NUDT12: variants seen among roughly 807,000 people sequenced by gnomAD.
NUDT12 encodes nudix hydrolase 12.
Under a neutral mutation model 45.7 loss-of-function variants are expected in NUDT12, and 42 were observed. The ratio of observed to expected loss-of-function variants is 0.92; its 90% CI spans 0.72 to 1.19. NUDT12 has a LOEUF of 1.19. Ranked by LOEUF, NUDT12 falls within the 50% of genes most tolerant of loss-of-function variation. The probability of loss-of-function intolerance (pLI) is 0.00; values close to 1 mark genes in which losing one functional copy is unlikely to be tolerated. For missense variants in NUDT12, 590 were observed against 533.1 expected (o/e 1.11, Z -1.05); for synonymous variants, 206 against 179.7 (o/e 1.15, Z -1.17).
In NUDT12 at chr5:103,559,045, A is replaced by G; in HGVS notation, c.630T>C (p.Leu210=). The part of the protein sequence containing the change: ...GVELEIKDKL[L]NYAGEVPREE... Reference sequence around the variant, plus strand: ...CTCTCGGGACTTCACCAGCATAATTAAGTAGTTTGTCTTTTATTTCAAGTT... The same window carrying G: ...CTCTCGGGACTTCACCAGCATAATTGAGTAGTTTGTCTTTTATTTCAAGTT... Residue 210 remains leucine, a synonymous_variant, in exon 3 of 7, where the codon CTT becomes CTC. Coordinates refer to ENST00000230792, the MANE Select transcript of NUDT12 (RefSeq NM_031438.4). 6.2e-7 allele frequency: 1 copy of G among 1,613,712 alleles called. No homozygotes were observed. The highest frequency in any genetic ancestry group is 1.1e-5 in the South Asian group (1 of 91,020).
chr5:103,552,173 T>C, intron 6 of NUDT12, 44 bp downstream of exon 6: 1 of 1,517,560 alleles, frequency 6.6e-7, no homozygotes. Flanking sequence ...ACCAATACAG[T>C]CAGGGAACAA....
At chr5:103,556,675 C>T (rs1748831697) in intron 3 of NUDT12, among the ~76,000 whole-genome samples, 1 of 151,934 alleles carries the variant, frequency 6.6e-6, no homozygotes, top group Non-Finnish European at 1.5e-5. Context: ...CAAAAAATGC[C>T]TAATAGGATA....
intron 5 of NUDT12, chr5:103,554,435 T>C: frequency 6.0e-6 from 1 of 166,840 alleles, no homozygotes; most frequent in Non-Finnish European, 1.3e-5. Context: ...AAGGTAACAG[T>C]TGAGTCTAGT....
At chr5:103,559,965 A>G (rs1000844536) in intron 2 of NUDT12, 78 bp downstream of exon 2, 7 of 1,026,936 alleles carry the variant, frequency 6.8e-6, no homozygotes, top group Non-Finnish European at 1.0e-5. Context: ...TATGGAAACA[A>G]GCAAAATTTT....
At chr5:103,558,856 G>T in intron 3 of NUDT12, 23 bp downstream of exon 3, 1 of 1,489,754 alleles carries the variant, frequency 6.7e-7, no homozygotes, top group South Asian at 1.3e-5. Context: ...TTTTACCAAT[G>T]AAAAGCAGCA....
rs1334999444 is a variant in NUDT12, at chr5:103,549,228, A to G, written c.*1633T>C. ...CTCTATTTCATAATAATCAAGGTAC[A>G]TTATTTTCCATATACTTATGTAGCT... On this transcript the variant is annotated 3_prime_UTR_variant, in exon 7 of 7. Transcript: ENST00000230792. 1 of 152,068 alleles carries G rather than the reference A, an allele frequency of 6.6e-6. No homozygotes were observed. Among genetic ancestry groups the G allele is most frequent in the Non-Finnish European group, 1.5e-5 (1 of 67,932 alleles). 9.4% of individuals were successfully genotyped at this position (152,068 alleles called of 1,614,324 possible).
At position 103,557,280 on chromosome 5, in the gene NUDT12, GATATAT is replaced by G. The variant is rs10593905; in HGVS notation, c.797-1188_797-1183del. Among the ~76,000 whole-genome samples the G allele has an allele frequency of 9.9e-4, 118 of 118,922 alleles. 5 individuals carry two copies. The highest frequency in any genetic ancestry group is 7.6e-3 in the East Asian group (29 of 3,804). The allele number at this position is 118,922 out of a possible 152,430, so 78.0% of individuals were successfully genotyped here. A position where few individuals can be genotyped will look rare whatever the true frequency, so the allele number is the denominator to read the frequency against. ...TATCAGATCTTTTTGATCTTAAAAT[GATATAT>G]ATATATATATATATATATGTCTAAA... On this transcript the variant is annotated intron_variant, in intron 3 of 6. Coordinates refer to ENST00000230792, the MANE Select transcript of NUDT12 (RefSeq NM_031438.4).
At chr5:103,559,500 A>G in intron 2 of NUDT12, 32 bp from the exon 3 acceptor site, 1 of 1,180,624 alleles carries the variant, frequency 8.5e-7, no homozygotes, top group Non-Finnish European at 1.1e-6. Context: ...GGGGAGAAAA[A>G]GTAAAATAGG....
intron 1 of NUDT12, 132 bp from the exon 2 acceptor site, chr5:103,560,386 A>G: frequency 1.6e-6 from 1 of 627,452 alleles, no homozygotes; most frequent in South Asian, 1.9e-5. Flanking sequence ...GGCAATCCTT[A>G]AACAGCATAC....
Position 103,549,255 on chromosome 5 carries a change from G to C in NUDT12, c.*1606C>G, listed in dbSNP as rs963206253. On this transcript the variant is annotated 3_prime_UTR_variant, in exon 7 of 7. Transcript: ENST00000230792. ...TATTTTCCATATACTTATGTAGCTC[G>C]AATTTTATTATGTATCTAAATGTCC... 1 of 151,866 alleles carries C rather than the reference G, an allele frequency of 6.6e-6. No individual in the cohort carries two copies. Among genetic ancestry groups the C allele is most frequent in the Non-Finnish European group, 1.5e-5 (1 of 67,884 alleles). 9.4% of individuals were successfully genotyped at this position (151,866 alleles called of 1,614,324 possible).
intron 3 of NUDT12, among the ~76,000 whole-genome samples, chr5:103,556,944 C>T (rs550644580): frequency 1.5e-4 from 23 of 151,914 alleles, no homozygotes; most frequent in African/African-American, 4.3e-4. Context: ...GACAACATTA[C>T]GTTTTTGCCT....
rs1170720255 is a variant in NUDT12 at position 103,550,078 on chromosome 5, C to T, written c.*783G>A. The T allele has an allele frequency of 6.6e-6, 1 of 152,076 alleles. No individual in the cohort carries two copies. The highest frequency in any genetic ancestry group is 1.5e-5 in the Non-Finnish European group (1 of 68,014). 9.4% of individuals were successfully genotyped at this position (152,076 alleles called of 1,614,324 possible). A position where few individuals can be genotyped will look rare whatever the true frequency, so the allele number is the denominator to read the frequency against. The stretch of plus-strand genomic sequence containing the variant: ...GGAGAATTCCTTTCAAGTTTAATTT[C>T]AGTGCAAAAGCAGAGAATCTTGGTT... On this transcript the variant is annotated 3_prime_UTR_variant, in exon 7 of 7. Coordinates refer to ENST00000230792, the MANE Select transcript of NUDT12 (RefSeq NM_031438.4).
intron 1 of NUDT12, among the ~76,000 whole-genome samples, chr5:103,561,132 A>AT (rs958049121): frequency 3.4e-4 from 51 of 149,556 alleles, no homozygotes; most frequent in South Asian, 2.1e-3. Context: ...TTCTCAAAGT[A>AT]TTTTTTTTTA....
intron 3 of NUDT12, 21 bp from the exon 4 acceptor site, chr5:103,556,119 C>T (rs757913404): frequency 4.0e-6 from 6 of 1,516,690 alleles, no homozygotes; most frequent in South Asian, 1.4e-5. Context: ...AAGAAAAGCA[C>T]AAAAATTTTA....
rs1748678396 is a variant in NUDT12 at position 103,552,295 on chromosome 5, G to C, written c.1200C>G (p.Cys400Trp). 1 of 1,613,788 alleles carries C rather than the reference G, an allele frequency of 6.2e-7. No individual in the cohort carries two copies. Among genetic ancestry groups the C allele is most frequent in the South Asian group, 1.1e-5 (1 of 91,090 alleles). Reference protein sequence around the residue: ...WPMPSSLMIGCLALAVSTEIK... With the variant: ...WPMPSSLMIGWLALAVSTEIK... ...TTTCTGTAGACACTGCTAGAGCTAA[G>C]CAACCAATCATTAAGGAGGAAGGCA... is the stretch of plus-strand genomic sequence containing the variant. The change falls in exon 6 of 7, where the codon TGC becomes TGG. Residue 400 changes from cysteine to tryptophan, a missense_variant. Coordinates refer to ENST00000230792, the MANE Select transcript of NUDT12 (RefSeq NM_031438.4).
At chr5:103,557,420 C>T (rs1328068006) in intron 3 of NUDT12, among the ~76,000 whole-genome samples, 1 of 151,172 alleles carries the variant, frequency 6.6e-6, no homozygotes, top group East Asian at 1.9e-4. Context: ...TCTGGAAGGA[C>T]CTCTATCACC....
chr5:103,552,633 T>G (rs1748693800), intron 5 of NUDT12, among the ~76,000 whole-genome samples: 2 of 152,170 alleles, frequency 1.3e-5, no homozygotes, highest in Non-Finnish European at 2.9e-5. Flanking sequence ...AAACTTTTCG[T>G]TTTTTTAAGG....
intron 3 of NUDT12, 105 bp from the exon 4 acceptor site, chr5:103,556,203 G>T (rs956027499): frequency 1.4e-6 from 1 of 692,798 alleles, no homozygotes; most frequent in Non-Finnish European, 2.1e-6. Context: ...GTGTGATCAG[G>T]GGTTTTAGTA....
intron 5 of NUDT12, among the ~76,000 whole-genome samples, chr5:103,553,090 T>C (rs1338339865): frequency 6.6e-6 from 1 of 152,040 alleles, no homozygotes; most frequent in Non-Finnish European, 1.5e-5. Flanking sequence ...TTGCTAAATA[T>C]TGCTGTATTT....
Sources: gnomAD v4.1 joint callset for allele counts (sites outside exome capture counted in the v4.1 genomes callset) on GRCh38, gnomAD v4.1.1 for gene constraint, MANE v1.5 for transcripts, NCBI Gene and HGNC (gene_info 2026-07-23, HGNC 2026-07-21) for gene names.